The following SGCD variants were observed in gnomAD, a reference collection of about 807,000 sequenced individuals.
SGCD encodes sarcoglycan delta.
A neutral mutation model predicts 36.6 loss-of-function variants in SGCD; 18 were observed. The observed-to-expected ratio is 0.49, with a 90% CI of 0.34 to 0.73. The LOEUF (loss-of-function observed/expected upper bound fraction) is 0.73, where lower values mean the gene tolerates loss of function less well. Ranked by LOEUF, SGCD falls within the 30% of genes least tolerant of loss-of-function variation. The pLI is 0.01. For synonymous variants in SGCD, 133 were observed against 130.6 expected, an observed-to-expected ratio of 1.02 and a Z score of -0.12; for missense variants, 387 against 346.7, an observed-to-expected ratio of 1.12 and a Z score of -0.92.
chr5:155,858,657 T>C, the SGCD span, among the ~76,000 whole-genome samples: 2 of 152,154 alleles, frequency 1.3e-5, no homozygotes, highest in Non-Finnish European at 2.9e-5. Flanking sequence ...ATGAAAGTGG[T>C]GTATGGTGTT....
chr5:155,856,539 G>A, the SGCD span, among the ~76,000 whole-genome samples: 1 of 151,840 alleles, frequency 6.6e-6, no homozygotes, highest in Non-Finnish European at 1.5e-5. Context: ...TGTTTTGAAA[G>A]ACACTGTTAA....
intron 3 of SGCD, among the ~76,000 whole-genome samples, chr5:156,189,031 G>A (rs1203861464): frequency 4.6e-5 from 7 of 152,128 alleles, no homozygotes; most frequent in Admixed American, 2.0e-4. Context: ...CAGTTAATCT[G>A]ACTTTTAGGA....
intron 3 of SGCD, among the ~76,000 whole-genome samples, chr5:156,208,170 G>A (rs1264185328): frequency 6.6e-6 from 1 of 152,142 alleles, no homozygotes; most frequent in Non-Finnish European, 1.5e-5. Flanking sequence ...CCTTTTACAT[G>A]AGAGCAACTT....
At chr5:156,688,592 G>A (rs374708948) in intron 7 of SGCD, among the ~76,000 whole-genome samples, 38 of 152,296 alleles carry the variant, frequency 2.5e-4, no homozygotes, top group Middle Eastern at 6.8e-3. Flanking sequence ...GCTTCAGAAG[G>A]CTCGCAGGTA....
At chr5:156,048,014 T>G (rs1276612089) in intron 1 of SGCD, among the ~76,000 whole-genome samples, 1 of 152,130 alleles carries the variant, frequency 6.6e-6, no homozygotes, top group Admixed American at 6.5e-5. Context: ...GATGTTCCCC[T>G]TCCTGTGTCC....
At chr5:156,276,348 TA>T (rs1335681839) in intron 3 of SGCD, among the ~76,000 whole-genome samples, 1 of 152,188 alleles carries the variant, frequency 6.6e-6, no homozygotes, top group Non-Finnish European at 1.5e-5. Flanking sequence ...TTCATTTTTA[TA>T]AAAAACTTTG....
At chr5:156,120,658 A>G (rs1419756663) in intron 2 of SGCD, among the ~76,000 whole-genome samples, 3 of 152,134 alleles carry the variant, frequency 2.0e-5, no homozygotes, top group Non-Finnish European at 2.9e-5. Flanking sequence ...CATTGTAACT[A>G]TTTATTAGGT....
At chr5:156,168,836 T>C (rs1235154313) in intron 3 of SGCD, among the ~76,000 whole-genome samples, 3 of 152,228 alleles carry the variant, frequency 2.0e-5, no homozygotes, top group Non-Finnish European at 4.4e-5. Flanking sequence ...AGGCTCAGGC[T>C]GAACTCTCAA....
intron 4 of SGCD, among the ~76,000 whole-genome samples, chr5:156,586,807 G>T (rs567543742): frequency 6.6e-6 from 1 of 152,274 alleles, no homozygotes; most frequent in Non-Finnish European, 1.5e-5. Context: ...GCAGCCTCCT[G>T]TTGAGGATTT....
chr5:156,490,493 A>G (rs1755886776), intron 3 of SGCD, among the ~76,000 whole-genome samples: 1 of 152,030 alleles, frequency 6.6e-6, no homozygotes, highest in African/African-American at 2.4e-5. Context: ...ATATCAAAAA[A>G]AAAAAAATAC....
intron 3 of SGCD, among the ~76,000 whole-genome samples, chr5:156,241,160 T>C (rs1285892692): frequency 6.6e-6 from 1 of 152,040 alleles, no homozygotes; most frequent in Non-Finnish European, 1.5e-5. Flanking sequence ...CTGCTGAAAG[T>C]CTGAAATTTG....
chr5:156,176,018 T>C (rs1763459897), intron 3 of SGCD, among the ~76,000 whole-genome samples: 1 of 152,116 alleles, frequency 6.6e-6, no homozygotes, highest in African/African-American at 2.4e-5. Flanking sequence ...GAATTATTGC[T>C]CCATGCCAGA....
intron 1 of SGCD, among the ~76,000 whole-genome samples, chr5:155,898,892 C>T (rs949329038): frequency 9.8e-5 from 15 of 152,292 alleles, no homozygotes; most frequent in Admixed American, 8.5e-4. Context: ...TCTTATGTTT[C>T]CCTGGCTAGA....
chr5:155,986,027 C>T (rs1758321289), intron 1 of SGCD, among the ~76,000 whole-genome samples: 1 of 152,008 alleles, frequency 6.6e-6, no homozygotes, highest in Non-Finnish European at 1.5e-5. Flanking sequence ...TGTCGAGGCA[C>T]CCCAGGAGAG....
chr5:156,498,408 C>T (rs1409135613), intron 3 of SGCD, among the ~76,000 whole-genome samples: 1 of 152,154 alleles, frequency 6.6e-6, no homozygotes, highest in Non-Finnish European at 1.5e-5. Flanking sequence ...TCTGTCACCT[C>T]AGTAAAATCC....
intron 3 of SGCD, among the ~76,000 whole-genome samples, chr5:156,321,689 T>C (rs1767674602): frequency 6.6e-6 from 1 of 152,198 alleles, no homozygotes; most frequent in Non-Finnish European, 1.5e-5. Flanking sequence ...GATGAGCATG[T>C]GGCTCAATCT....
chr5:155,863,917 T>G, the SGCD span, among the ~76,000 whole-genome samples: 1 of 152,200 alleles, frequency 6.6e-6, no homozygotes, highest in Admixed American at 6.5e-5. Context: ...CCTACTGTCA[T>G]GGAAACTGCA....
At chr5:156,304,399 G>T (rs1767144119) in intron 3 of SGCD, among the ~76,000 whole-genome samples, 1 of 152,112 alleles carries the variant, frequency 6.6e-6, no homozygotes, top group Non-Finnish European at 1.5e-5. Context: ...GCTCTATAAT[G>T]GGGAGTTTCC....
upstream of SGCD, among the ~76,000 whole-genome samples, chr5:155,865,592 A>T (rs1185575873): frequency 6.6e-6 from 1 of 152,208 alleles, no homozygotes; most frequent in Non-Finnish European, 1.5e-5. Flanking sequence ...ATTAACTTGA[A>T]ATCCATTGAT....
Sources: gnomAD v4.1 joint callset for allele counts (sites outside exome capture counted in the v4.1 genomes callset) on GRCh38, gnomAD v4.1.1 for gene constraint, MANE v1.5 for transcripts, NCBI Gene and HGNC (gene_info 2026-07-23, HGNC 2026-07-21) for gene names.